Variants in RSBN1L observed in about 807,000 individuals in gnomAD.
RSBN1L encodes the protein lysine-specific demethylase RSBN1L.
RSBN1L carries 30 observed loss-of-function variants against 67.7 expected under a neutral mutation model. The observed-to-expected ratio is 0.44, with a 90% CI of 0.33 to 0.60. The LOEUF (loss-of-function observed/expected upper bound fraction) is 0.60, where lower values mean the gene tolerates loss of function less well. RSBN1L is among the 20% of genes least tolerant of loss of function. The probability of loss-of-function intolerance (pLI) is 0.02; values close to 1 mark genes in which losing one functional copy is unlikely to be tolerated. For missense variants in RSBN1L, 992 were observed against 1,031.7 expected, an observed-to-expected ratio of 0.96 and a Z score of 0.53; for synonymous variants, 433 against 387.0, an observed-to-expected ratio of 1.12 and a Z score of -1.39.
At chr7:77,755,632 A>G (rs1041608190) in intron 3 of RSBN1L, among the ~76,000 whole-genome samples, 6 of 151,760 alleles carry the variant, frequency 4.0e-5, no homozygotes, top group African/African-American at 1.5e-4. Context: ...GCGCCATTGC[A>G]CTCTAGCTTG....
At chr7:77,697,663 G>C (rs907692499) in intron 1 of RSBN1L, among the ~76,000 whole-genome samples, 3 of 152,150 alleles carry the variant, frequency 2.0e-5, no homozygotes, top group African/African-American at 7.2e-5. Flanking sequence ...TAAGTGTTTT[G>C]GGTGGTCCTG....
chr7:77,735,690 T>G lies in RSBN1L; in HGVS notation c.587-720T>G, dbSNP rs1791325215. On this transcript the variant is annotated intron_variant, in intron 1 of 7. Transcript: ENST00000334955. ...TTGAGGGCAAAGGTTTATGTCACTA[T>G]TTGTATATCCTTCTCTGTATTTTGT... 2.0e-5 allele frequency among the ~76,000 whole-genome samples: 3 copies of G among 152,204 alleles called. No homozygotes were observed. In the South Asian group the frequency reaches 6.2e-4, roughly 31 times the overall value.
At chr7:77,717,757 C>T (rs2150415203) in intron 1 of RSBN1L, among the ~76,000 whole-genome samples, 1 of 152,298 alleles carries the variant, frequency 6.6e-6, no homozygotes, top group African/African-American at 2.4e-5. Flanking sequence ...GCTGCTCACA[C>T]CTGTAATCTG....
intron 2 of RSBN1L, among the ~76,000 whole-genome samples, chr7:77,740,871 C>G (rs773932504): frequency 6.6e-6 from 1 of 151,918 alleles, no homozygotes; most frequent in Non-Finnish European, 1.5e-5. Flanking sequence ...CACACTCTCT[C>G]TGGCTCTGAC....
chr7:77,715,384 G>A (rs533846374), intron 1 of RSBN1L, among the ~76,000 whole-genome samples: 3 of 152,144 alleles, frequency 2.0e-5, no homozygotes, highest in Non-Finnish European at 4.4e-5. Context: ...AGGCTGGAGT[G>A]TAGTGGTGTG....
At chr7:77,753,895 C>T (rs1348151595) in intron 3 of RSBN1L, among the ~76,000 whole-genome samples, 1 of 152,178 alleles carries the variant, frequency 6.6e-6, no homozygotes, top group African/African-American at 2.4e-5. Context: ...GACCCAGCAT[C>T]ATTTATGGAA....
chr7:77,714,350 C>T (rs1251567400), intron 1 of RSBN1L, among the ~76,000 whole-genome samples: 1 of 152,156 alleles, frequency 6.6e-6, no homozygotes, highest in South Asian at 2.1e-4. Flanking sequence ...GCAGAAAGTT[C>T]TCTCTTGCTA....
At chr7:77,730,419 C>CTA (rs1554338843) in intron 1 of RSBN1L, among the ~76,000 whole-genome samples, 31 of 152,164 alleles carry the variant, frequency 2.0e-4, no homozygotes, top group African/African-American at 7.2e-4. Context: ...CACCCAAAGT[C>CTA]TATCATTTAC....
At chr7:77,738,386 T>C (rs1349776030) in intron 2 of RSBN1L, among the ~76,000 whole-genome samples, 1 of 152,214 alleles carries the variant, frequency 6.6e-6, no homozygotes, top group African/African-American at 2.4e-5. Context: ...CTGAAACTAG[T>C]GATGATTAAG....
chr7:77,721,406 A>G (rs1397502388), intron 1 of RSBN1L, among the ~76,000 whole-genome samples: 2 of 152,226 alleles, frequency 1.3e-5, no homozygotes, highest in Non-Finnish European at 2.9e-5. Context: ...AGAGCAAGAT[A>G]TGATAATTGC....
At chr7:77,700,034 A>G (rs530862721) in intron 1 of RSBN1L, among the ~76,000 whole-genome samples, 1 of 152,194 alleles carries the variant, frequency 6.6e-6, no homozygotes, top group South Asian at 2.1e-4. Context: ...TGACCTTGTG[A>G]TCTGCCTGCC....
chr7:77,759,621 C>G lies in RSBN1L; in HGVS notation c.1345-5874C>G, dbSNP rs1791671601. The G allele has an allele frequency of 2.0e-5, 3 of 152,218 alleles. No individual in the cohort carries two copies. In the South Asian group the frequency reaches 6.2e-4, roughly 32 times the overall value. The allele number at this position is 152,218 out of a possible 1,614,324, so 9.4% of individuals were successfully genotyped here. A position where few individuals can be genotyped will look rare whatever the true frequency, so the allele number is the denominator to read the frequency against. On this transcript the variant is annotated intron_variant, in intron 3 of 7. Transcript: ENST00000334955. ...AGAATTGAATCAACAGCTTCTGCTC[C>G]CACCCCCCTCAATTCTTTGGCTCTA...
intron 1 of RSBN1L, among the ~76,000 whole-genome samples, chr7:77,710,202 G>T (rs1378798796): frequency 1.3e-5 from 2 of 152,138 alleles, no homozygotes. Flanking sequence ...CATTCTTCAT[G>T]CTATATAGTC....
intron 3 of RSBN1L, among the ~76,000 whole-genome samples, chr7:77,752,979 G>A (rs1355399250): frequency 2.0e-5 from 3 of 152,162 alleles, no homozygotes; most frequent in Non-Finnish European, 4.4e-5. Context: ...GTGTGTAGTG[G>A]TACTGCTGTA....
At chr7:77,746,091 C>T (rs756345993) in intron 2 of RSBN1L, among the ~76,000 whole-genome samples, 10 of 152,268 alleles carry the variant, frequency 6.6e-5, no homozygotes, top group East Asian at 1.9e-4. Context: ...GGACCAGTAC[C>T]GGTCTGTTGC....
At chr7:77,750,135 C>G (rs1791535605) in intron 3 of RSBN1L, 71 bp downstream of exon 3, 1 of 886,106 alleles carries the variant, frequency 1.1e-6, no homozygotes, top group Non-Finnish European at 1.6e-6. Flanking sequence ...TTTTTTGTTC[C>G]TAATTATAGG....
intron 3 of RSBN1L, 71 bp from the exon 4 acceptor site, chr7:77,765,424 T>G: frequency 8.1e-7 from 1 of 1,230,326 alleles, no homozygotes; most frequent in Non-Finnish European, 1.1e-6. Context: ...TATGTGTAAC[T>G]TTTAATTAAA....
chr7:77,753,401 A>T (rs1484217566), intron 3 of RSBN1L, among the ~76,000 whole-genome samples: 1 of 152,072 alleles, frequency 6.6e-6, no homozygotes, highest in African/African-American at 2.4e-5. Context: ...TTTTTATATG[A>T]TTATTATCCA....
chr7:77,750,166 A>C, intron 3 of RSBN1L, 102 bp downstream of exon 3: 1 of 631,628 alleles, frequency 1.6e-6, no homozygotes, highest in Non-Finnish European at 2.4e-6. Context: ...AAAGGTAAGA[A>C]TATAATGAAA....
Sources: gnomAD v4.1 joint callset for allele counts (sites outside exome capture counted in the v4.1 genomes callset) on GRCh38, gnomAD v4.1.1 for gene constraint, MANE v1.5 for transcripts, NCBI Gene and HGNC (gene_info 2026-07-23, HGNC 2026-07-21) for gene names.